EPHA6: variants seen among roughly 807,000 people sequenced by gnomAD.
EPHA6 encodes the protein ephrin type-A receptor 6.
A neutral mutation model predicts 112.0 loss-of-function variants in EPHA6; 50 were observed. The observed-to-expected ratio is 0.45, with a 90% CI of 0.36 to 0.56. EPHA6 has a LOEUF of 0.56. Ranked by LOEUF, EPHA6 falls within the 20% of genes least tolerant of loss-of-function variation. EPHA6 has a pLI of 0.00. For missense variants in EPHA6, 1,280 were observed against 1,417.4 expected (o/e 0.90, Z 1.56); for synonymous variants, 529 against 490.7 (o/e 1.08, Z -1.03).
intron 14 of EPHA6, among the ~76,000 whole-genome samples, chr3:97,647,110 G>T (rs928628835): frequency 3.3e-5 from 5 of 152,134 alleles, no homozygotes; most frequent in African/African-American, 1.2e-4. Context: ...CCCTATCTGA[G>T]GATATTGCAT....
At chr3:97,348,350 A>C (rs2083637144) in intron 5 of EPHA6, among the ~76,000 whole-genome samples, 2 of 152,170 alleles carry the variant, frequency 1.3e-5, no homozygotes, top group South Asian at 4.1e-4. Flanking sequence ...TGTCTAATAT[A>C]AAAGTTTAAG....
chr3:97,696,278 G>T (rs186419085), intron 14 of EPHA6, among the ~76,000 whole-genome samples: 68 of 152,330 alleles, frequency 4.5e-4, no homozygotes, highest in African/African-American at 1.5e-3. Flanking sequence ...GAGCAGGATA[G>T]ATCTTACTCC....
At chr3:97,312,649 G>A (rs1478131219) in intron 5 of EPHA6, among the ~76,000 whole-genome samples, 3 of 151,274 alleles carry the variant, frequency 2.0e-5, no homozygotes, top group South Asian at 2.1e-4. Context: ...TTATCAAATT[G>A]GATTGAAGAA....
intron 2 of EPHA6, among the ~76,000 whole-genome samples, chr3:96,890,406 T>C (rs1177678190): frequency 1.3e-5 from 2 of 152,128 alleles, no homozygotes; most frequent in Non-Finnish European, 1.5e-5. Context: ...TCAATAGACA[T>C]ATGAAAAGGA....
chr3:97,369,042 A>C (rs970351295), intron 5 of EPHA6, among the ~76,000 whole-genome samples: 2 of 152,198 alleles, frequency 1.3e-5, no homozygotes, highest in South Asian at 2.1e-4. Flanking sequence ...ACAGCATTCC[A>C]AAAACGAGAA....
intron 8 of EPHA6, among the ~76,000 whole-genome samples, chr3:97,477,147 C>CA (rs1384926992): frequency 7.9e-5 from 12 of 152,082 alleles, no homozygotes; most frequent in African/African-American, 2.9e-4. Flanking sequence ...TTTGATATAG[C>CA]TCATCTTTTA....
At chr3:97,232,392 A>G (rs145392189) in intron 4 of EPHA6, among the ~76,000 whole-genome samples, 2 of 152,244 alleles carry the variant, frequency 1.3e-5, no homozygotes, top group East Asian at 3.9e-4. Flanking sequence ...AAACTATTAG[A>G]AATTTTATGT....
chr3:97,297,032 A>T (rs2080897201), intron 5 of EPHA6, among the ~76,000 whole-genome samples: 1 of 152,028 alleles, frequency 6.6e-6, no homozygotes, highest in Non-Finnish European at 1.5e-5. Context: ...AGGTTTGGGG[A>T]CTCAGCATGA....
chr3:97,426,377 C>T (rs766060065), intron 6 of EPHA6, among the ~76,000 whole-genome samples: 7 of 152,130 alleles, frequency 4.6e-5, no homozygotes, highest in Non-Finnish European at 5.9e-5. Context: ...TCAAATCTCA[C>T]GAGGCTAATT....
At chr3:97,075,569 A>C (rs1293185832) in intron 3 of EPHA6, among the ~76,000 whole-genome samples, 2 of 152,096 alleles carry the variant, frequency 1.3e-5, no homozygotes, top group Non-Finnish European at 2.9e-5. Context: ...CATAGTTTAC[A>C]TGACACCATG....
chr3:97,286,341 G>A (rs1341599473), intron 5 of EPHA6, among the ~76,000 whole-genome samples: 1 of 151,998 alleles, frequency 6.6e-6, no homozygotes, highest in East Asian at 1.9e-4. Flanking sequence ...TGTTCTTTAT[G>A]TTTTCTCCTA....
At chr3:97,240,979 A>G (rs1178666525) in intron 4 of EPHA6, among the ~76,000 whole-genome samples, 6 of 151,844 alleles carry the variant, frequency 4.0e-5, no homozygotes, top group Non-Finnish European at 8.8e-5. Context: ...GAAATAAAAC[A>G]AACAAAAATC....
intron 11 of EPHA6, among the ~76,000 whole-genome samples, chr3:97,575,175 C>A (rs1457524060): frequency 6.6e-6 from 1 of 151,980 alleles, no homozygotes; most frequent in East Asian, 1.9e-4. Context: ...TTGATATAGA[C>A]TTGTGGTACA....
At chr3:97,392,293 T>C (rs2086451791) in intron 5 of EPHA6, among the ~76,000 whole-genome samples, 2 of 151,806 alleles carry the variant, frequency 1.3e-5, no homozygotes, top group East Asian at 3.9e-4. Context: ...TACAATTACT[T>C]GTTAAGGTAA....
At chr3:96,829,647 G>A (rs979780320) in intron 1 of EPHA6, among the ~76,000 whole-genome samples, 2 of 151,916 alleles carry the variant, frequency 1.3e-5, no homozygotes, top group African/African-American at 2.4e-5. Context: ...GCAATTTATG[G>A]CAGTATAGGA....
intron 5 of EPHA6, among the ~76,000 whole-genome samples, chr3:97,261,716 C>A (rs74867178): frequency 0.021 from 3,122 of 152,210 alleles, 48 homozygotes; most frequent in Non-Finnish European, 0.029. Flanking sequence ...AGATGTGGTG[C>A]AACCTTTATT....
chr3:97,665,970 T>C (rs953291329), intron 14 of EPHA6, among the ~76,000 whole-genome samples: 4 of 151,258 alleles, frequency 2.6e-5, no homozygotes, highest in African/African-American at 9.7e-5. Context: ...GGCAGCAGAA[T>C]CACTTGAACC....
At chr3:97,538,454 T>C (rs936864290) in intron 11 of EPHA6, among the ~76,000 whole-genome samples, 2 of 152,192 alleles carry the variant, frequency 1.3e-5, no homozygotes, top group Non-Finnish European at 2.9e-5. Context: ...TTAAGGTGTC[T>C]GTGACATTTA....
At chr3:96,987,072 G>A (rs944570401) in intron 2 of EPHA6, among the ~76,000 whole-genome samples, 3 of 152,274 alleles carry the variant, frequency 2.0e-5, no homozygotes, top group African/African-American at 7.2e-5. Context: ...CTCCTTTACA[G>A]TTGAGGAAAC....
Sources: allele counts gnomAD v4.1 joint callset (sites outside exome capture counted in the v4.1 genomes callset), GRCh38; gene constraint gnomAD v4.1.1; transcripts MANE v1.5; gene names NCBI Gene and HGNC (gene_info 2026-07-23, HGNC 2026-07-21).